The following PARP11 variants were observed in gnomAD, a reference collection of about 807,000 sequenced individuals.
PARP11 encodes protein mono-ADP-ribosyltransferase PARP11.
Under a neutral mutation model 42.9 loss-of-function variants are expected in PARP11, and 31 were observed. The ratio of observed to expected loss-of-function variants is 0.72; its 90% confidence interval spans 0.54 to 0.98. The LOEUF (loss-of-function observed/expected upper bound fraction) is 0.98. PARP11 is among the 50% of genes least tolerant of loss of function. The probability of loss-of-function intolerance (pLI) is 0.00; values close to 1 mark genes in which losing one functional copy is unlikely to be tolerated. For missense variants in PARP11, 365 were observed against 413.1 expected (o/e 0.88, Z 1.01); for synonymous variants, 137 against 127.3 (o/e 1.08, Z -0.51).
chr12:3,869,837 T>C (rs536331647), intron 1 of PARP11, among the ~76,000 whole-genome samples: 2 of 152,276 alleles, frequency 1.3e-5, no homozygotes, highest in Non-Finnish European at 2.9e-5. Flanking sequence ...TGGAGCCTAG[T>C]CTGTTCTGTT....
rs1419830661 is a variant in PARP11, at chr12:3,810,065, C to T, written c.*2058G>A. 2.6e-5 allele frequency: 4 copies of T among 152,202 alleles called. No homozygotes were observed. Among genetic ancestry groups the T allele is most frequent in the Non-Finnish European group, 2.9e-5 (2 of 68,044 alleles). The allele number at this position is 152,202 out of a possible 1,614,324, so 9.4% of individuals were successfully genotyped here. On this transcript the variant is annotated 3_prime_UTR_variant, in exon 8 of 8. Coordinates refer to ENST00000228820, the MANE Select transcript of PARP11 (RefSeq NM_020367.6). ...CACTTTAAGAATTACTATCCCTAAT[C>T]TGTCTGCACTCTTTGCTTTTATTAT...
chr12:3,816,934 G>A (rs1217327393), intron 6 of PARP11, among the ~76,000 whole-genome samples: 1 of 152,200 alleles, frequency 6.6e-6, no homozygotes, highest in Non-Finnish European at 1.5e-5. Flanking sequence ...GCTCACGCCT[G>A]TAATTCCAGC....
At chr12:3,830,060 A>G in intron 1 of PARP11, 42 bp from the exon 2 acceptor site, 1 of 1,581,932 alleles carries the variant, frequency 6.3e-7, no homozygotes, top group South Asian at 1.1e-5. Flanking sequence ...TAATTCTATT[A>G]ATAACAAGTA....
chr12:3,829,550 C>A lies in PARP11; in HGVS notation c.147+340G>T, dbSNP rs116866214. On this transcript the variant is annotated intron_variant, in intron 2 of 7. Transcript: ENST00000228820. ...AAGGGAGAAAATCAATGTACAACAC[C>A]TAACATAATACCTGGCATACAGAAG... Among the ~76,000 whole-genome samples the A allele has an allele frequency of 7.8e-3, 1,182 of 152,278 alleles. 9 individuals are homozygous for A. Among genetic ancestry groups the A allele is most frequent in the Non-Finnish European group, 0.012 (820 of 68,010 alleles).
rs190403173 is a variant in PARP11, at chr12:3,841,873, A to G, written c.19-11855T>C. 297 of 1,608,442 alleles carry G rather than the reference A, an allele frequency of 1.8e-4. 3 individuals carry two copies. In the Middle Eastern group the frequency reaches 2.8e-3, roughly 15 times the overall value. ...GTCTCTGGAAAATCTGGATCTGTCT[A>G]AAGATTGTGGTTCAGTTTCCACAGT... On this transcript the variant is annotated intron_variant, in intron 1 of 7. Coordinates refer to ENST00000228820, the MANE Select transcript of PARP11 (RefSeq NM_020367.6).
chr12:3,860,194 C>T (rs911726257), intron 1 of PARP11, among the ~76,000 whole-genome samples: 17 of 152,094 alleles, frequency 1.1e-4, no homozygotes, highest in Non-Finnish European at 1.9e-4. Context: ...ATGTGGACCG[C>T]CCCAGCAGGA....
chr12:3,837,526 A>C lies in PARP11; in HGVS notation c.19-7508T>G, dbSNP rs116988326. On this transcript the variant is annotated intron_variant, in intron 1 of 7. Transcript: ENST00000228820. ...TCACTTAACCAGAAAGGAAGATGTA[A>C]GAAAGGAAGAGAGCAGTTACAAAAC... is the stretch of plus-strand genomic sequence containing the variant. 9.5e-3 allele frequency among the ~76,000 whole-genome samples: 1,446 copies of C among 152,352 alleles called. 12 individuals carry two copies. Among genetic ancestry groups the C allele is most frequent in the Non-Finnish European group, 0.016 (1,118 of 68,040 alleles).
intron 1 of PARP11, among the ~76,000 whole-genome samples, chr12:3,854,116 T>G (rs1272977891): frequency 2.6e-5 from 4 of 152,174 alleles, no homozygotes; most frequent in Non-Finnish European, 5.9e-5. Flanking sequence ...TACCAGAATC[T>G]CTGGGACACA....
In PARP11 at chr12:3,817,117, G is replaced by A. The variant is rs527992413; in HGVS notation, c.549-2929C>T. On this transcript the variant is annotated intron_variant, in intron 6 of 7. Coordinates refer to ENST00000228820, the MANE Select transcript of PARP11 (RefSeq NM_020367.6). The stretch of plus-strand genomic sequence containing the variant: ...GAGGCAGGAGAATGGCATGAACCCC[G>A]GAGGCGGAACTTGCAGTGAGCTGAG... 1.5e-3 allele frequency among the ~76,000 whole-genome samples: 234 copies of A among 152,260 alleles called. 2 individuals are homozygous for A. The highest frequency in any genetic ancestry group is 4.4e-3 in the African/African-American group (182 of 41,528).
chr12:3,864,184 A>G (rs780816412), intron 1 of PARP11, among the ~76,000 whole-genome samples: 2 of 152,228 alleles, frequency 1.3e-5, no homozygotes, highest in Non-Finnish European at 2.9e-5. Context: ...TTCTGCATGT[A>G]CTGGAATCAC....
intron 6 of PARP11, among the ~76,000 whole-genome samples, chr12:3,817,981 ACATTATTAACAAGATG>A (rs979186826): frequency 2.7e-4 from 41 of 152,206 alleles, no homozygotes; most frequent in African/African-American, 8.7e-4. Flanking sequence ...ATCTAAATTC[ACATTATTAACAAGATG>A]CTCTTATTTC....
At chr12:3,866,280 C>T (rs1948387944) in intron 1 of PARP11, among the ~76,000 whole-genome samples, 1 of 152,052 alleles carries the variant, frequency 6.6e-6, no homozygotes, top group Admixed American at 6.6e-5. Flanking sequence ...CTCTCCAGAT[C>T]ATCTTATTTT....
At position 3,840,664 on chromosome 12, in the gene PARP11, CG is replaced by C; in HGVS notation, c.19-10647del. ...CATGTGTCCAGAGAAAATCATCACA[CG>C]TAAGTGATAGAAAAGGAAGCAGGCG... On this transcript the variant is annotated intron_variant, in intron 1 of 7. Coordinates refer to ENST00000228820, the MANE Select transcript of PARP11 (RefSeq NM_020367.6). The surrounding 1 kb of genome is among the most constrained non-coding windows in gnomAD (Gnocchi z 4.4). The C allele has an allele frequency of 3.3e-6, 4 of 1,197,356 alleles. No homozygotes were observed. Among genetic ancestry groups the C allele is most frequent in the Non-Finnish European group, 5.0e-6 (4 of 799,556 alleles). The allele number at this position is 1,197,356 out of a possible 1,614,324, so 74.2% of individuals were successfully genotyped here. A position where few individuals can be genotyped will look rare whatever the true frequency, so the allele number is the denominator to read the frequency against.
chr12:3,828,091 T>C (rs985900544), intron 3 of PARP11, among the ~76,000 whole-genome samples: 3 of 152,168 alleles, frequency 2.0e-5, no homozygotes, highest in Non-Finnish European at 4.4e-5. Context: ...GGCTAATCTG[T>C]GGAAGAGCCA....
At chr12:3,846,159 A>G (rs534532870) in intron 1 of PARP11, among the ~76,000 whole-genome samples, 25 of 152,216 alleles carry the variant, frequency 1.6e-4, no homozygotes, top group South Asian at 6.2e-4. Flanking sequence ...TTATTTTTCT[A>G]TGTTCTGTTT....
intron 1 of PARP11, among the ~76,000 whole-genome samples, chr12:3,833,172 A>G (rs1947682246): frequency 6.6e-6 from 1 of 152,268 alleles, no homozygotes; most frequent in African/African-American, 2.4e-5. Flanking sequence ...TCAGGAAATC[A>G]TATTTGGTAA....
intron 6 of PARP11, among the ~76,000 whole-genome samples, chr12:3,820,159 T>C (rs1591761237): frequency 6.6e-6 from 1 of 152,250 alleles, no homozygotes; most frequent in South Asian, 2.1e-4. Context: ...TGTACCATTA[T>C]ATCCCAAGTG....
At chr12:3,815,092 G>C in intron 6 of PARP11, 1 of 456,476 alleles carries the variant, frequency 2.2e-6, no homozygotes, top group Non-Finnish European at 4.4e-6. Flanking sequence ...GTATCAAAAT[G>C]TTAAATCTGA....
chr12:3,819,543 G>A (rs1207454030), intron 6 of PARP11, among the ~76,000 whole-genome samples: 2 of 152,052 alleles, frequency 1.3e-5, no homozygotes, highest in East Asian at 3.9e-4. Flanking sequence ...ATGTCCCCCA[G>A]CAGGTAAAAT....
Sources: allele counts gnomAD v4.1 joint callset (sites outside exome capture counted in the v4.1 genomes callset), GRCh38; gene constraint gnomAD v4.1.1; non-coding constraint Gnocchi (gnomAD v3.1); transcripts MANE v1.5; gene names NCBI Gene and HGNC (gene_info 2026-07-23, HGNC 2026-07-21).